ZZEF1: variants seen among roughly 807,000 people sequenced by gnomAD.
ZZEF1 encodes zinc finger ZZ-type and EF-hand domain containing 1, also known as zinc finger ZZ-type and EF-hand domain-containing protein 1.
In ZZEF1, 157 loss-of-function variants were observed where a neutral mutation model predicts 342.8. That is an observed-to-expected ratio of 0.46 (90% CI 0.40 to 0.52). ZZEF1 has a LOEUF of 0.52. Among genes scored for constraint, ZZEF1 ranks in the 20% least tolerant of loss-of-function variants. ZZEF1 has a pLI of 0.00. For synonymous variants in ZZEF1, 1,505 were observed against 1,429.1 expected (o/e 1.05, Z -1.20); for missense variants, 3,480 against 3,725.6 (o/e 0.93, Z 1.72).
At chr17:4,025,865 T>C (rs2056392064) in intron 42 of ZZEF1, among the ~76,000 whole-genome samples, 1 of 152,156 alleles carries the variant, frequency 6.6e-6, no homozygotes, top group Non-Finnish European at 1.5e-5. Context: ...GGATATAAAC[T>C]AGATCCGCCC....
intron 9 of ZZEF1, 121 bp from the exon 10 acceptor site, chr17:4,096,821 C>G: frequency 2.6e-6 from 2 of 755,724 alleles, no homozygotes; most frequent in Admixed American, 2.5e-5. Context: ...GATATCTTCA[C>G]GAAAATTAGA....
Position 4,016,230 on chromosome 17 carries a change from G to T in ZZEF1, c.8145+93C>A. 6.9e-7 allele frequency: 1 copy of T among 1,456,884 alleles called. No individual in the cohort carries two copies. 90.2% of individuals were successfully genotyped at this position (1,456,884 alleles called of 1,614,324 possible). On this transcript the variant is annotated intron_variant, in intron 49 of 54. Transcript: ENST00000381638. This position sits in a 1 kb window ranked among gnomAD's most constrained non-coding sequence, Gnocchi z 4.4. ...TGCTGTCCAGCGGGAGAGAGCCACA[G>T]AGGGGCTGAGCATGGAGGGGCTGAG...
intron 6 of ZZEF1, among the ~76,000 whole-genome samples, chr17:4,108,847 G>T (rs888482734): frequency 6.6e-6 from 1 of 152,220 alleles, no homozygotes; most frequent in Non-Finnish European, 1.5e-5. Context: ...CAGAGCAGCA[G>T]TGTTATTTGC....
At chr17:4,114,004 A>G (rs1287097619) in intron 4 of ZZEF1, among the ~76,000 whole-genome samples, 1 of 152,206 alleles carries the variant, frequency 6.6e-6, no homozygotes, top group Non-Finnish European at 1.5e-5. Flanking sequence ...AGGATATTTC[A>G]AAATACAGTC....
At chr17:4,041,766 G>A (rs1476858990) in intron 39 of ZZEF1, among the ~76,000 whole-genome samples, 1 of 152,024 alleles carries the variant, frequency 6.6e-6, no homozygotes, top group Non-Finnish European at 1.5e-5. Flanking sequence ...TACCTAAACT[G>A]TTCAGGGTCT....
intron 4 of ZZEF1, among the ~76,000 whole-genome samples, chr17:4,113,950 CA>C (rs2058354327): frequency 6.7e-6 from 1 of 148,554 alleles, no homozygotes; most frequent in Non-Finnish European, 1.5e-5. Flanking sequence ...GCCTGGGAGA[CA>C]AAAATAAGAT....
chr17:4,051,472 G>T (rs1035790084), intron 35 of ZZEF1, among the ~76,000 whole-genome samples: 1 of 152,122 alleles, frequency 6.6e-6, no homozygotes, highest in Non-Finnish European at 1.5e-5. Context: ...TCAGGCTGGA[G>T]TGCAGTGGCG....
At chr17:4,113,997 A>G (rs1258591968) in intron 4 of ZZEF1, among the ~76,000 whole-genome samples, 1 of 152,144 alleles carries the variant, frequency 6.6e-6, no homozygotes, top group Admixed American at 6.5e-5. Flanking sequence ...TAGAGAAAGG[A>G]TATTTCAAAA....
At chr17:4,097,610 A>G (rs2058059659) in intron 9 of ZZEF1, among the ~76,000 whole-genome samples, 1 of 137,180 alleles carries the variant, frequency 7.3e-6, no homozygotes, top group Admixed American at 7.6e-5. Context: ...AGTGATGCAC[A>G]TGATTCTTGT....
chr17:4,044,054 T>C (rs2056857592), intron 38 of ZZEF1, among the ~76,000 whole-genome samples, 170 bp downstream of exon 38: 1 of 152,184 alleles, frequency 6.6e-6, no homozygotes, highest in African/African-American at 2.4e-5. Context: ...GCAGTCAAAG[T>C]GAAGAAAGAT....
At chr17:4,079,633 G>T (rs1465361413) in intron 18 of ZZEF1, among the ~76,000 whole-genome samples, 1 of 152,128 alleles carries the variant, frequency 6.6e-6, no homozygotes, top group African/African-American at 2.4e-5. Flanking sequence ...TAAAGTCAAC[G>T]TTACCCTAGA....
rs188463906 is a variant in ZZEF1 at position 4,111,196 on chromosome 17, A to G, written c.1067-1333T>C. Among the ~76,000 whole-genome samples the G allele has an allele frequency of 3.3e-3, 507 of 151,394 alleles. 12 individuals are homozygous for G. The highest frequency in any genetic ancestry group is 0.027 in the Admixed American group (413 of 15,190). ...AAGGTGTGTAGATATGTGTGCATATATGTGTGTGTATGTAAACCATACACA... is the reference window on the plus strand; with the variant it reads ...AAGGTGTGTAGATATGTGTGCATATGTGTGTGTGTATGTAAACCATACACA... On this transcript the variant is annotated intron_variant, in intron 5 of 54. Transcript: ENST00000381638.
Position 4,008,968 on chromosome 17 carries a change from G to C in ZZEF1, c.8734-14C>G. The C allele has an allele frequency of 1.3e-6, 2 of 1,539,196 alleles. No individual in the cohort carries two copies. Among genetic ancestry groups the C allele is most frequent in the East Asian group, 2.4e-5 (1 of 40,924 alleles). ...CACGCCAAGCTCCTGCAGAGAGAGAGCAGGGGCTGTGAGTGACAGCGCCAG... is the reference window on the plus strand; with the variant it reads ...CACGCCAAGCTCCTGCAGAGAGAGACCAGGGGCTGTGAGTGACAGCGCCAG... On this transcript the variant is annotated splice_polypyrimidine_tract_variant and intron_variant, in intron 53 of 54. Transcript: ENST00000381638. The surrounding 1 kb of genome is among the most constrained non-coding windows in gnomAD (Gnocchi z 4.2).
At chr17:4,088,577 G>A in intron 13 of ZZEF1, 101 bp downstream of exon 13, 1 of 1,270,826 alleles carries the variant, frequency 7.9e-7, no homozygotes, top group Middle Eastern at 2.7e-4. Context: ...CATCCTATTG[G>A]CTTCCGCAGG....
chr17:4,026,762 G>A (rs560699129), intron 42 of ZZEF1, among the ~76,000 whole-genome samples: 6 of 151,828 alleles, frequency 4.0e-5, no homozygotes, highest in South Asian at 2.1e-4. Context: ...TCAGGTTATC[G>A]GCCTGCCTCA....
At chr17:4,060,835 A>G (rs1390185898) in intron 30 of ZZEF1, among the ~76,000 whole-genome samples, 1 of 152,154 alleles carries the variant, frequency 6.6e-6, no homozygotes, top group Non-Finnish European at 1.5e-5. Context: ...TTTCCTCACT[A>G]CTACAGATAA....
intron 9 of ZZEF1, among the ~76,000 whole-genome samples, chr17:4,101,093 G>C (rs1023672233): frequency 2.6e-5 from 4 of 152,058 alleles, no homozygotes; most frequent in African/African-American, 9.7e-5. Context: ...AAAGAAAAAC[G>C]TTTCTGCACA....
Position 4,125,127 on chromosome 17 carries a change from C to G in ZZEF1, c.355-1076G>C, listed in dbSNP as rs562749575. ...CCTCACCCTCTGGTGTCCCTGACCCCCTTCCCTTACATCCTACAAGACTTA... is the reference window on the plus strand; with the variant it reads ...CCTCACCCTCTGGTGTCCCTGACCCGCTTCCCTTACATCCTACAAGACTTA... On this transcript the variant is annotated intron_variant, in intron 1 of 54. Coordinates refer to ENST00000381638, the MANE Select transcript of ZZEF1 (RefSeq NM_015113.4). Among the ~76,000 whole-genome samples, 42 of 152,260 alleles carry G rather than the reference C, an allele frequency of 2.8e-4. No homozygotes were observed. The South Asian group carries it at 8.7e-3, about 32-fold the overall frequency.
intron 18 of ZZEF1, among the ~76,000 whole-genome samples, chr17:4,080,464 C>A (rs187666925): frequency 1.3e-5 from 2 of 152,052 alleles, no homozygotes; most frequent in African/African-American, 2.4e-5. Context: ...CTCAGCCTCC[C>A]GAGTAGCTGG....
Sources: gnomAD v4.1 joint callset for allele counts (sites outside exome capture counted in the v4.1 genomes callset) on GRCh38, gnomAD v4.1.1 for gene constraint, Gnocchi (gnomAD v3.1) non-coding constraint, MANE v1.5 for transcripts, NCBI Gene and HGNC (gene_info 2026-07-23, HGNC 2026-07-21) for gene names.